Variants in PLD4 observed in about 807,000 individuals in gnomAD.
The protein encoded by PLD4 is phospholipase D family member 4, also known as 5'-3' exonuclease PLD4.
Under a neutral mutation model 52.3 loss-of-function variants are expected in PLD4, and 54 were observed. The ratio of observed to expected loss-of-function variants is 1.03; its 90% CI spans 0.83 to 1.30. PLD4 has a LOEUF of 1.30. Ranked by LOEUF, PLD4 falls within the 50% of genes most tolerant of loss-of-function variation. The pLI is 0.00. For synonymous variants in PLD4, 264 were observed against 286.5 expected, an observed-to-expected ratio of 0.92 and a Z score of 0.79; for missense variants, 731 against 671.1, an observed-to-expected ratio of 1.09 and a Z score of -0.99.
chr14:104,931,198 C>T (rs549372504), intron 7 of PLD4, among the ~76,000 whole-genome samples: 24 of 152,294 alleles, frequency 1.6e-4, no homozygotes, highest in African/African-American at 5.3e-4. Flanking sequence ...GGAAACAGGC[C>T]GCCTGGGAGG....
In PLD4 at chr14:104,924,967, G is replaced by C. The variant is rs1420023963; in HGVS notation, c.-24G>C. 1 of 152,788 alleles carries C rather than the reference G, an allele frequency of 6.5e-6. No individual in the cohort carries two copies. Among genetic ancestry groups the C allele is most frequent in the Admixed American group, 6.5e-5 (1 of 15,290 alleles). 9.5% of individuals were successfully genotyped at this position (152,788 alleles called of 1,614,324 possible). ...GCAGTCTGCGGCTGGAATCAGGATA[G>C]ACACCAAGGCAGGACCCCCAGAGGT... is the stretch of plus-strand genomic sequence containing the variant. On this transcript the variant is annotated 5_prime_UTR_variant, in exon 1 of 11. Transcript: ENST00000392593. This position sits in a 1 kb window ranked among gnomAD's most constrained non-coding sequence, Gnocchi z 4.4.
chr14:104,932,158 C>T lies in PLD4; in HGVS notation c.1205C>T (p.Ala402Val). The stretch of plus-strand genomic sequence containing the variant: ...CTGCAGGCGCTCAGCAACCCCGCGG[C>T]CAACGTCTCTGTGGACGTGGTGAGG... ...RSLQALSNPA[A>V]NVSVDVKVFI... is the part of the protein sequence containing the mutation. Residue 402 changes from alanine to valine, a missense_variant, in exon 9 of 11, where the codon GCC becomes GTC. Transcript: ENST00000392593. This position sits in a 1 kb window ranked among gnomAD's most constrained non-coding sequence, Gnocchi z 6.5. The T allele has an allele frequency of 1.9e-6, 3 of 1,611,066 alleles. No homozygotes were observed. The highest frequency in any genetic ancestry group is 2.5e-6 in the Non-Finnish European group (3 of 1,178,986).
chr14:104,931,634 C>T, intron 7 of PLD4, 114 bp from the exon 8 acceptor site: 1 of 1,385,194 alleles, frequency 7.2e-7, no homozygotes, highest in Non-Finnish European at 9.5e-7. Flanking sequence ...TTTCCAGGCA[C>T]CTGGGCCCCC....
Position 104,932,663 on chromosome 14 carries a change from C to A in PLD4, c.1322-102C>A. ...AGTCTGATGACAGTGGAGGGGCCAGCTGCCAACCGTCCCCAAACCCGTAGC... is the reference window on the plus strand; with the variant it reads ...AGTCTGATGACAGTGGAGGGGCCAGATGCCAACCGTCCCCAAACCCGTAGC... On this transcript the variant is annotated intron_variant, in intron 10 of 10. Coordinates refer to ENST00000392593, the MANE Select transcript of PLD4 (RefSeq NM_138790.5). The surrounding 1 kb of genome is among the most constrained non-coding windows in gnomAD (Gnocchi z 6.5). 1.6e-6 allele frequency: 2 copies of A among 1,235,634 alleles called. No individual in the cohort carries two copies. Among genetic ancestry groups the A allele is most frequent in the Non-Finnish European group, 2.2e-6 (2 of 904,448 alleles). The allele number at this position is 1,235,634 out of a possible 1,614,324, so 76.5% of individuals were successfully genotyped here. A position where few individuals can be genotyped will look rare whatever the true frequency, so the allele number is the denominator to read the frequency against.
At chr14:104,936,208 G>A (rs1309159696), downstream of PLD4, 1 of 152,170 alleles carries the variant, frequency 6.6e-6, no homozygotes, top group Non-Finnish European at 1.5e-5. Flanking sequence ...AGGGACAAAA[G>A]CCCCATGGAG....
In PLD4 at chr14:104,927,757, A is replaced by G. The variant is rs1897505177; in HGVS notation, c.175A>G (p.Thr59Ala). Residue 59 changes from threonine (T) to alanine (A), a missense_variant, in exon 3 of 11, where the codon ACC (threonine) becomes GCC (alanine). By Grantham distance (58) the Thr-to-Ala change is moderately conservative. Coordinates refer to ENST00000392593, the MANE Select transcript of PLD4 (RefSeq NM_138790.5). Reference protein sequence around the residue: ...CLLWQVPRPPTWGQVQPKDVP... With the variant: ...CLLWQVPRPPAWGQVQPKDVP... ...CCTGTGGCAAGTGCCCCGTCCTCCC[A>G]CCTGGGGCCAGGTGCAGCCCAAGGA... 6.3e-7 allele frequency: 1 copy of G among 1,598,342 alleles called. No individual in the cohort carries two copies. The highest frequency in any genetic ancestry group is 1.3e-5 in the African/African-American group (1 of 74,858).
rs1424613169 is a variant in PLD4, at chr14:104,927,121, T to C, written c.1-20T>C. On this transcript the variant is annotated intron_variant, in intron 1 of 10. Transcript: ENST00000392593. ...TGGGCAGAGCTGGAGCTGCTGGTGA[T>C]GCCAGGCTGCCCTGTGCAGATGCTG... is the stretch of plus-strand genomic sequence containing the variant. The C allele has an allele frequency of 3.9e-6, 6 of 1,531,240 alleles. No homozygotes were observed. The African/African-American group carries it at 8.3e-5, about 21-fold the overall frequency. The allele number at this position is 1,531,240 out of a possible 1,614,324, so 94.9% of individuals were successfully genotyped here.
downstream of PLD4, chr14:104,934,389 T>A (rs1412974567): frequency 6.6e-6 from 1 of 152,210 alleles, no homozygotes; most frequent in Non-Finnish European, 1.5e-5. Flanking sequence ...GTCCTGCAGA[T>A]GCAGGATTTG....
chr14:104,933,027 T>C lies in PLD4; in HGVS notation c.*63T>C. ...CGCGCCCTCCCCTCTGACCCCGGCCTGGGCTTCAGCCGCTTCCTCCCGCAA... is the reference window on the plus strand; with the variant it reads ...CGCGCCCTCCCCTCTGACCCCGGCCCGGGCTTCAGCCGCTTCCTCCCGCAA... On this transcript the variant is annotated 3_prime_UTR_variant, in exon 11 of 11. Transcript: ENST00000392593. The C allele has an allele frequency of 6.8e-7, 1 of 1,466,296 alleles. No homozygotes were observed. Among genetic ancestry groups the C allele is most frequent in the East Asian group, 2.6e-5 (1 of 38,654 alleles). The allele number at this position is 1,466,296 out of a possible 1,614,324, so 90.8% of individuals were successfully genotyped here.
chr14:104,929,471 G>A (rs1183539309), intron 5 of PLD4, 44 bp downstream of exon 5: 1 of 1,500,258 alleles, frequency 6.7e-7, no homozygotes, highest in Non-Finnish European at 8.9e-7. Context: ...CTAGCGTCGG[G>A]CATGGGCTGT....
intron 3 of PLD4, 67 bp from the exon 4 acceptor site, chr14:104,928,682 G>A (rs901061557): frequency 8.3e-6 from 12 of 1,452,768 alleles, no homozygotes; most frequent in African/African-American, 2.8e-5. Context: ...GTGGGATGGG[G>A]CAGGTGATGT....
chr14:104,936,273 AGTTG>A (rs1204297691), downstream of PLD4: 1 of 152,174 alleles, frequency 6.6e-6, no homozygotes, highest in Non-Finnish European at 1.5e-5. Context: ...GGCACACACA[AGTTG>A]GAGTAGAGAA....
At chr14:104,931,309 G>C (rs1272308781) in intron 7 of PLD4, among the ~76,000 whole-genome samples, 3 of 152,194 alleles carry the variant, frequency 2.0e-5, no homozygotes, top group Non-Finnish European at 2.9e-5. Context: ...CTTGCTCTGC[G>C]GGGAAGGAAG....
chr14:104,929,866 T>G, intron 5 of PLD4, 112 bp from the exon 6 acceptor site: 1 of 1,259,466 alleles, frequency 7.9e-7, no homozygotes, highest in Non-Finnish European at 1.1e-6. Flanking sequence ...TTAGTAGGAC[T>G]GTTGTGAGGA....
At chr14:104,928,674 G>C in intron 3 of PLD4, 75 bp from the exon 4 acceptor site, 3 of 1,428,310 alleles carry the variant, frequency 2.1e-6, no homozygotes, top group Non-Finnish European at 2.8e-6. Flanking sequence ...GCTTGGCAGT[G>C]GGATGGGGCA....
rs986838730 is a variant in PLD4, at chr14:104,932,796, C to G, written c.1353C>G (p.Ser451Arg). The change falls in exon 11 of 11, where the codon AGC becomes AGG. Residue 451 changes from serine (S) to arginine (R), a missense_variant. By Grantham distance (110) the Ser-to-Arg change is moderately radical. Transcript: ENST00000392593. The surrounding 1 kb of genome is among the most constrained non-coding windows in gnomAD (Gnocchi z 6.5). ...CCAACTGGTCGGAGGATTACTTCAGCAGCACGGCGGGGGTGGGCTTGGTGG... is the reference window on the plus strand; with the variant it reads ...CCAACTGGTCGGAGGATTACTTCAGGAGCACGGCGGGGGTGGGCTTGGTGG... ...GTSNWSEDYF[S>R]STAGVGLVVT... is the part of the protein sequence containing the mutation. 6.3e-7 allele frequency: 1 copy of G among 1,596,688 alleles called. No individual in the cohort carries two copies. The highest frequency in any genetic ancestry group is 8.5e-7 in the Non-Finnish European group (1 of 1,170,552).
At chr14:104,926,562 C>G (rs1440067957) in intron 1 of PLD4, among the ~76,000 whole-genome samples, 1 of 152,242 alleles carries the variant, frequency 6.6e-6, no homozygotes, top group Non-Finnish European at 1.5e-5. Context: ...GCCTCTCCAG[C>G]AAGGGTACTG....
At chr14:104,929,685 A>G (rs539531353) in intron 5 of PLD4, among the ~76,000 whole-genome samples, 1 of 152,310 alleles carries the variant, frequency 6.6e-6, no homozygotes, top group South Asian at 2.1e-4. Flanking sequence ...TGCTGAGCCC[A>G]GCAGCTGACC....
intron 5 of PLD4, 45 bp from the exon 6 acceptor site, chr14:104,929,933 A>G: frequency 6.2e-7 from 1 of 1,608,172 alleles, no homozygotes; most frequent in Non-Finnish European, 8.5e-7. Context: ...TGAAGCTAGC[A>G]CTTAGCAAGA....
Sources: allele counts gnomAD v4.1 joint callset (sites outside exome capture counted in the v4.1 genomes callset), GRCh38; gene constraint gnomAD v4.1.1; non-coding constraint Gnocchi (gnomAD v3.1); transcripts MANE v1.5; gene names NCBI Gene and HGNC (gene_info 2026-07-23, HGNC 2026-07-21).